The following TENM3 variants were observed in gnomAD, a reference collection of about 807,000 sequenced individuals.
The protein encoded by TENM3 is teneurin transmembrane protein 3.
Under a neutral mutation model 255.1 loss-of-function variants are expected in TENM3, and 63 were observed. That is an observed-to-expected ratio of 0.25 (90% CI 0.20 to 0.30). The LOEUF (loss-of-function observed/expected upper bound fraction) is 0.30. Among genes scored for constraint, TENM3 ranks in the 10% least tolerant of loss-of-function variants. The pLI is 1.00. For missense variants in TENM3, 2,929 were observed against 3,461.1 expected (o/e 0.85, Z 3.86); for synonymous variants, 1,306 against 1,322.3 (o/e 0.99, Z 0.27).
At chr4:181,868,078 C>T in the TENM3 span, among the ~76,000 whole-genome samples, 4,424 of 152,082 alleles carry the variant, frequency 0.029, 100 homozygotes, top group South Asian at 0.083. Flanking sequence ...TTATATTTTA[C>T]GGGAAATTTT....
intron 12 of TENM3, among the ~76,000 whole-genome samples, chr4:182,696,595 C>G (rs1327898080): frequency 6.6e-6 from 1 of 152,022 alleles, no homozygotes. Flanking sequence ...TGTGGTGGTG[C>G]ACGCCTGTAA....
the TENM3 span, among the ~76,000 whole-genome samples, chr4:182,111,568 A>C: frequency 3.9e-5 from 6 of 152,320 alleles, no homozygotes; most frequent in Admixed American, 3.9e-4. Flanking sequence ...ATACACTGAG[A>C]CAAATGTGGA....
At chr4:181,850,199 T>A in the TENM3 span, among the ~76,000 whole-genome samples, 2 of 152,042 alleles carry the variant, frequency 1.3e-5, no homozygotes, top group Non-Finnish European at 2.9e-5. Flanking sequence ...CTCTCCTTAC[T>A]CTCAATTCTC....
chr4:182,485,400 A>G (rs904701309), intron 3 of TENM3, among the ~76,000 whole-genome samples: 1 of 152,154 alleles, frequency 6.6e-6, no homozygotes, highest in African/African-American at 2.4e-5. Flanking sequence ...AAAGGATATT[A>G]TATATCAATT....
intron 4 of TENM3, among the ~76,000 whole-genome samples, chr4:182,622,408 C>G (rs574169406): frequency 6.6e-6 from 1 of 152,298 alleles, no homozygotes; most frequent in South Asian, 2.1e-4. Flanking sequence ...TTGGTGATCT[C>G]ATGATCTACT....
At chr4:181,810,217 T>C in the TENM3 span, among the ~76,000 whole-genome samples, 3 of 152,176 alleles carry the variant, frequency 2.0e-5, no homozygotes, top group Non-Finnish European at 4.4e-5. Context: ...AAATTCCTTT[T>C]TGTACTTACC....
chr4:182,069,686 A>ACACACACACAC, the TENM3 span, among the ~76,000 whole-genome samples: 4 of 149,556 alleles, frequency 2.7e-5, no homozygotes, highest in African/African-American at 9.9e-5. Flanking sequence ...TAGATGCATA[A>ACACACACACAC]ACACACACAC....
chr4:181,522,714 G>A, the TENM3 span: 1 of 684,936 alleles, frequency 1.5e-6, no homozygotes, highest in Non-Finnish European at 2.8e-6. Context: ...TGAAAAAGAT[G>A]TTAAAGGTGA....
At chr4:182,222,786 A>G (rs1394526388) in intron 1 of TENM3, among the ~76,000 whole-genome samples, 2 of 152,032 alleles carry the variant, frequency 1.3e-5, no homozygotes, top group Non-Finnish European at 2.9e-5. Context: ...GGATGGGAGG[A>G]GGGCCTTCTG....
chr4:182,779,980 G>A (rs527624860), intron 24 of TENM3, among the ~76,000 whole-genome samples: 11 of 150,186 alleles, frequency 7.3e-5, no homozygotes, highest in South Asian at 2.1e-4. Flanking sequence ...AGTAGGTTGC[G>A]AAAATTTTCT....
the TENM3 span, among the ~76,000 whole-genome samples, chr4:181,729,690 A>C: frequency 6.6e-6 from 1 of 152,126 alleles, no homozygotes. Context: ...GCTCTTCTCC[A>C]CTGGGTTATT....
chr4:181,825,049 G>A, the TENM3 span, among the ~76,000 whole-genome samples: 3 of 152,178 alleles, frequency 2.0e-5, no homozygotes, highest in Non-Finnish European at 4.4e-5. Flanking sequence ...ACTAGAAAGT[G>A]TTCCCAGGTG....
At chr4:181,974,906 C>A in the TENM3 span, among the ~76,000 whole-genome samples, 1 of 152,080 alleles carries the variant, frequency 6.6e-6, no homozygotes, top group Admixed American at 6.5e-5. Context: ...AACATTGTAA[C>A]CGATAGGTAA....
chr4:181,568,739 C>A, the TENM3 span, among the ~76,000 whole-genome samples: 1 of 152,316 alleles, frequency 6.6e-6, no homozygotes, highest in East Asian at 1.9e-4. Flanking sequence ...GACTGTCCCA[C>A]ACCAACAAAC....
the TENM3 span, among the ~76,000 whole-genome samples, chr4:181,537,268 T>C: frequency 6.6e-6 from 1 of 152,206 alleles, no homozygotes; most frequent in Non-Finnish European, 1.5e-5. Flanking sequence ...TATATTGCCA[T>C]TATGACTGCA....
chr4:181,950,301 T>A, the TENM3 span, among the ~76,000 whole-genome samples: 1 of 151,960 alleles, frequency 6.6e-6, no homozygotes, highest in Non-Finnish European at 1.5e-5. Flanking sequence ...GGCCCCACCC[T>A]TATCTTCCTT....
At chr4:181,524,556 C>A in the TENM3 span, among the ~76,000 whole-genome samples, 4 of 152,156 alleles carry the variant, frequency 2.6e-5, no homozygotes, top group African/African-American at 9.7e-5. Context: ...AGAAGTTATT[C>A]TTATCTGTAT....
the TENM3 span, among the ~76,000 whole-genome samples, chr4:182,053,457 T>G: frequency 6.6e-6 from 1 of 152,220 alleles, no homozygotes; most frequent in Non-Finnish European, 1.5e-5. Flanking sequence ...CCTGGCCAGC[T>G]AATTGCCCAT....
the TENM3 span, among the ~76,000 whole-genome samples, chr4:181,546,511 C>T: frequency 4.1e-4 from 62 of 150,946 alleles, no homozygotes; most frequent in African/African-American, 1.4e-3. Flanking sequence ...GTCAGGAGAT[C>T]GAGACCATCC....
Sources: gnomAD v4.1 joint callset for allele counts (sites outside exome capture counted in the v4.1 genomes callset) on GRCh38, gnomAD v4.1.1 for gene constraint, MANE v1.5 for transcripts, NCBI Gene and HGNC (gene_info 2026-07-23, HGNC 2026-07-21) for gene names.